Variants in TMCO5A observed in about 807,000 individuals in gnomAD.
The protein encoded by TMCO5A is transmembrane and coiled-coil domains 5A.
TMCO5A carries 34 observed loss-of-function variants against 42.3 expected under a neutral mutation model. The ratio of observed to expected loss-of-function variants is 0.80; its 90% CI spans 0.61 to 1.07. The LOEUF (loss-of-function observed/expected upper bound fraction) is 1.07. Among genes scored for constraint, TMCO5A ranks in the 50% least tolerant of loss-of-function variants. The pLI, the probability that TMCO5A is intolerant of heterozygous loss-of-function variation, is 0.00. For synonymous variants in TMCO5A, 131 were observed against 115.6 expected (o/e 1.13, Z -0.86); for missense variants, 357 against 327.9 (o/e 1.09, Z -0.69).
the TMCO5A span, among the ~76,000 whole-genome samples, chr15:38,023,717 C>T: frequency 5.8e-4 from 89 of 152,244 alleles, no homozygotes; most frequent in African/African-American, 1.9e-3. Context: ...AAGCATTTGG[C>T]GGATGAAGGA....
chr15:37,942,390 G>A (rs1889779339), intron 9 of TMCO5A, 135 bp downstream of exon 9: 1 of 787,008 alleles, frequency 1.3e-6, no homozygotes, highest in African/African-American at 1.7e-5. Flanking sequence ...CCCTCTGTTA[G>A]TGATCTGGTT....
chr15:37,946,073 A>G (rs766859260), intron 10 of TMCO5A, among the ~76,000 whole-genome samples: 1 of 151,952 alleles, frequency 6.6e-6, no homozygotes, highest in Non-Finnish European at 1.5e-5. Context: ...TCCAGTTTCA[A>G]TTTTCTGTAT....
chr15:37,950,263 T>C (rs1224671601), intron 11 of TMCO5A, among the ~76,000 whole-genome samples: 2 of 78,756 alleles, frequency 2.5e-5, no homozygotes, highest in Non-Finnish European at 7.8e-5. Flanking sequence ...AGACTTTTAA[T>C]AGAAAATATA....
At chr15:37,952,321 C>T (rs555617788), downstream of TMCO5A, among the ~76,000 whole-genome samples, 6 of 152,080 alleles carry the variant, frequency 3.9e-5, no homozygotes, top group South Asian at 4.1e-4. Flanking sequence ...AGACCGTTTC[C>T]GACTGCTCAA....
At chr15:38,014,322 A>G in the TMCO5A span, among the ~76,000 whole-genome samples, 1 of 151,962 alleles carries the variant, frequency 6.6e-6, no homozygotes, top group South Asian at 2.1e-4. Context: ...AGAATTTCAA[A>G]ACCTCCCTGC....
downstream of TMCO5A, among the ~76,000 whole-genome samples, chr15:37,952,240 CAG>C (rs1156300296): frequency 6.6e-6 from 1 of 152,018 alleles, no homozygotes; most frequent in Non-Finnish European, 1.5e-5. Context: ...GGGGTGGTCA[CAG>C]AGTGGCTAAG....
the TMCO5A span, among the ~76,000 whole-genome samples, chr15:37,981,126 T>A: frequency 7.0e-6 from 1 of 142,024 alleles, no homozygotes; most frequent in African/African-American, 2.7e-5. Flanking sequence ...TTCTTTGGAA[T>A]CATACCCAGA....
At chr15:37,998,792 T>C in the TMCO5A span, among the ~76,000 whole-genome samples, 22 of 152,358 alleles carry the variant, frequency 1.4e-4, no homozygotes, top group African/African-American at 4.6e-4. Flanking sequence ...TTAGGTAGTA[T>C]GGACATTTGA....
the TMCO5A span, among the ~76,000 whole-genome samples, chr15:37,996,163 A>C: frequency 6.6e-6 from 1 of 152,202 alleles, no homozygotes; most frequent in African/African-American, 2.4e-5. Context: ...CTGGGGCGTA[A>C]GAGTGATTCA....
rs1400664382 is a variant in TMCO5A, at chr15:37,936,383, T to C, written c.60T>C (p.Leu20=). The C allele has an allele frequency of 6.2e-7, 1 of 1,612,940 alleles. No homozygotes were observed. The highest frequency in any genetic ancestry group is 8.5e-7 in the Non-Finnish European group (1 of 1,179,396). ...KRNIISLNMD[L]ERDTQRIDEA... Reference sequence around the variant, plus strand: ...ACATTATCAGTTTGAACATGGACCTTGAAAGGGATACGCAGAGAATAGATG... The same window carrying C: ...ACATTATCAGTTTGAACATGGACCTCGAAAGGGATACGCAGAGAATAGATG... The change falls in exon 3 of 12, where the codon CTT becomes CTC. Residue 20 remains leucine (L), a synonymous_variant. Coordinates refer to ENST00000319669, the MANE Select transcript of TMCO5A (RefSeq NM_152453.4).
At chr15:38,029,496 T>C in the TMCO5A span, among the ~76,000 whole-genome samples, 76 of 152,282 alleles carry the variant, frequency 5.0e-4, no homozygotes, top group African/African-American at 1.7e-3. Flanking sequence ...AGGGTCTCTG[T>C]GTCTTTCAGG....
At chr15:38,025,746 T>C in the TMCO5A span, among the ~76,000 whole-genome samples, 1 of 152,108 alleles carries the variant, frequency 6.6e-6, no homozygotes, top group Non-Finnish European at 1.5e-5. Context: ...CATGTCCCCA[T>C]CCCAATCTCA....
At chr15:38,028,604 G>A in the TMCO5A span, among the ~76,000 whole-genome samples, 3 of 152,136 alleles carry the variant, frequency 2.0e-5, no homozygotes, top group African/African-American at 4.8e-5. Context: ...AATATTGAAA[G>A]AGTGTAGCAC....
At chr15:38,001,585 C>G in the TMCO5A span, among the ~76,000 whole-genome samples, 9 of 151,668 alleles carry the variant, frequency 5.9e-5, no homozygotes, top group Admixed American at 3.3e-4. Flanking sequence ...TCTTCTCTTC[C>G]TTCTTTCCTG....
downstream of TMCO5A, among the ~76,000 whole-genome samples, chr15:37,970,797 C>T (rs532977867): frequency 6.6e-6 from 1 of 152,024 alleles, no homozygotes; most frequent in Admixed American, 6.5e-5. Context: ...TTTTAAAGCT[C>T]CAAAATGATC....
downstream of TMCO5A, among the ~76,000 whole-genome samples, chr15:37,972,392 G>T (rs1048468183): frequency 1.3e-5 from 2 of 152,090 alleles, no homozygotes; most frequent in African/African-American, 4.8e-5. Context: ...CCATATCACA[G>T]TCCCACCAAC....
At chr15:37,954,031 A>G (rs1022533435), downstream of TMCO5A, among the ~76,000 whole-genome samples, 1 of 152,018 alleles carries the variant, frequency 6.6e-6, no homozygotes, top group East Asian at 1.9e-4. Flanking sequence ...TAAAAGGAAA[A>G]AAATAAAATA....
At chr15:37,948,236 G>A (rs149314869) in intron 11 of TMCO5A, among the ~76,000 whole-genome samples, 2 of 152,128 alleles carry the variant, frequency 1.3e-5, no homozygotes, top group African/African-American at 4.8e-5. Flanking sequence ...CATCCTGAGG[G>A]AATCACTGTG....
intron 11 of TMCO5A, among the ~76,000 whole-genome samples, chr15:37,962,527 T>C (rs2140816925): frequency 6.6e-6 from 1 of 152,242 alleles, no homozygotes; most frequent in Non-Finnish European, 1.5e-5. Context: ...TTCCTGGTTT[T>C]GGTATTAGGG....
Sources: gnomAD v4.1 joint callset for allele counts (sites outside exome capture counted in the v4.1 genomes callset) on GRCh38, gnomAD v4.1.1 for gene constraint, MANE v1.5 for transcripts, NCBI Gene and HGNC (gene_info 2026-07-23, HGNC 2026-07-21) for gene names.